KLHDC8B: variants seen among roughly 807,000 people sequenced by gnomAD.
KLHDC8B encodes the protein kelch domain containing 8B.
Under a neutral mutation model 26.3 loss-of-function variants are expected in KLHDC8B, and 19 were observed. The observed-to-expected ratio is 0.72, with a 90% CI of 0.50 to 1.06. The LOEUF (loss-of-function observed/expected upper bound fraction) is 1.06. KLHDC8B is among the 50% of genes least tolerant of loss of function. The pLI is 0.00. For synonymous variants in KLHDC8B, 150 were observed against 188.4 expected, an observed-to-expected ratio of 0.80 and a Z score of 1.67; for missense variants, 411 against 488.1, an observed-to-expected ratio of 0.84 and a Z score of 1.49.
rs1559425340 is a variant in KLHDC8B at position 49,174,769 on chromosome 3, C to A, written c.569C>A (p.Thr190Asn). The stretch of plus-strand genomic sequence containing the variant: ...GGCCGCCAGGGCAAGCTCCCGGTGA[C>A]TGCTTTTGAAGCCTTTGATCTGGAG... ...LGGRQGKLPV[T>N]AFEAFDLEAR... is the part of the protein sequence containing the mutation. Residue 190 changes from threonine to asparagine, a missense_variant, in exon 4 of 6, where the codon ACT becomes AAT. Physicochemically the swap from Thr to Asn is moderately conservative, Grantham distance 65 (BLOSUM62 0). Coordinates refer to ENST00000332780, the MANE Select transcript of KLHDC8B (RefSeq NM_173546.3). 6.2e-7 allele frequency: 1 copy of A among 1,610,752 alleles called. No homozygotes were observed. Among genetic ancestry groups the A allele is most frequent in the Admixed American group, 1.7e-5 (1 of 59,904 alleles).
chr3:49,173,080 AG>A lies in KLHDC8B; in HGVS notation c.314del (p.Gly105AlafsTer85). 1 of 1,597,726 alleles carries A rather than the reference AG, an allele frequency of 6.3e-7. No homozygotes were observed. Among genetic ancestry groups the A allele is most frequent in the Non-Finnish European group, 8.5e-7 (1 of 1,172,414 alleles). ...GCTGTAGAGGCCTTCCTGATGGATGAGGGCCGCTGGGAGCGTCGGGCCACCC... is the reference window on the plus strand; with the variant it reads ...GCTGTAGAGGCCTTCCTGATGGATGAGGCCGCTGGGAGCGTCGGGCCACCC... ...VAAVEAFLMD[E>X]GRWERRATLP... On this transcript the variant is annotated frameshift_variant, in exon 2 of 6. Coordinates refer to ENST00000332780, the MANE Select transcript of KLHDC8B (RefSeq NM_173546.3). LOFTEE classifies it high-confidence loss of function.
chr3:49,175,878 G>T lies in KLHDC8B; in HGVS notation c.*77G>T. On this transcript the variant is annotated 3_prime_UTR_variant, in exon 6 of 6. Transcript: ENST00000332780. The stretch of plus-strand genomic sequence containing the variant: ...TTCTATGGCTCCTTTTGCTGCTGAG[G>T]ACACTCACTGTGGCTCTGTGGGATG... The T allele has an allele frequency of 7.1e-7, 1 of 1,415,520 alleles. No homozygotes were observed. Among genetic ancestry groups the T allele is most frequent in the Non-Finnish European group, 9.9e-7 (1 of 1,010,388 alleles). 87.7% of individuals were successfully genotyped at this position (1,415,520 alleles called of 1,614,324 possible).
Position 49,174,732 on chromosome 3 carries a change from C to A in KLHDC8B, c.542-10C>A. 6.3e-7 allele frequency: 1 copy of A among 1,595,486 alleles called. No homozygotes were observed. Among genetic ancestry groups the A allele is most frequent in the Non-Finnish European group, 8.6e-7 (1 of 1,169,012 alleles). On this transcript the variant is annotated splice_polypyrimidine_tract_variant and intron_variant, in intron 3 of 5. Coordinates refer to ENST00000332780, the MANE Select transcript of KLHDC8B (RefSeq NM_173546.3). The stretch of plus-strand genomic sequence containing the variant: ...GGGCTCCTTCCCAGGTACCCCAATT[C>A]CATTGACAGGGGGCCGCCAGGGCAA...
intron 2 of KLHDC8B, among the ~76,000 whole-genome samples, chr3:49,173,863 T>C (rs2045793059): frequency 6.6e-6 from 1 of 152,066 alleles, no homozygotes; most frequent in African/African-American, 2.4e-5. Flanking sequence ...CCCATGTTTC[T>C]TACCCCTGGC....
At position 49,174,278 on chromosome 3, in the gene KLHDC8B, C is replaced by CGGCCCCCCA; in HGVS notation, c.422_430dup (p.Pro141_Ala143dup). ...GCTCTGGGGGGAATGGGCCCTGACA[C>CGGCCCCCCA]GGCCCCCCAGGCCCAGGTACGTGTG... On this transcript the variant is annotated inframe_insertion, in exon 3 of 6. Coordinates refer to ENST00000332780, the MANE Select transcript of KLHDC8B (RefSeq NM_173546.3). 1 of 1,613,438 alleles carries CGGCCCCCCA rather than the reference C, an allele frequency of 6.2e-7. No individual in the cohort carries two copies. Among genetic ancestry groups the CGGCCCCCCA allele is most frequent in the Non-Finnish European group, 8.5e-7 (1 of 1,179,538 alleles).
Position 49,172,554 on chromosome 3 carries a change from C to T in KLHDC8B, c.-134-82C>T, listed in dbSNP as rs13098087. 7.7e-3 allele frequency: 4,507 copies of T among 588,942 alleles called. 29 individuals carry two copies. Among genetic ancestry groups the T allele is most frequent in the Non-Finnish European group, 9.0e-3 (2,976 of 332,392 alleles). The allele number at this position is 588,942 out of a possible 1,614,324, so 36.5% of individuals were successfully genotyped here. A position where few individuals can be genotyped will look rare whatever the true frequency, so the allele number is the denominator to read the frequency against. Reference sequence around the variant, plus strand: ...TTCCCACCAGTGATTTTGGGCCAGCCCTGCCCTTAGCTACAGGCTGCTTAT... The same window carrying T: ...TTCCCACCAGTGATTTTGGGCCAGCTCTGCCCTTAGCTACAGGCTGCTTAT... On this transcript the variant is annotated intron_variant, in intron 1 of 5. Transcript: ENST00000332780.
In KLHDC8B at chr3:49,172,654, G is replaced by A; in HGVS notation, c.-116G>A. On this transcript the variant is annotated 5_prime_UTR_variant, in exon 2 of 6. Coordinates refer to ENST00000332780, the MANE Select transcript of KLHDC8B (RefSeq NM_173546.3). ...CCTCCAGGTGAAGGCAAGGTCCCTG[G>A]ACTGGTCATATACCTCTTGTGGCCC... 9.5e-7 allele frequency: 1 copy of A among 1,049,878 alleles called. No homozygotes were observed. Among genetic ancestry groups the A allele is most frequent in the Non-Finnish European group, 1.4e-6 (1 of 726,906 alleles). The allele number at this position is 1,049,878 out of a possible 1,614,324, so 65.0% of individuals were successfully genotyped here.
Position 49,172,787 on chromosome 3 carries a change from C to T in KLHDC8B, c.18C>T (p.Gly6=). ...TGAACACCATGTCTGCAGGAGGTGG[C>T]CGGGCCTTTGCTTGGCAAGTGTTCC... MSAGG[G]RAFAWQVFPP... is the part of the protein sequence containing the mutation. The change falls in exon 2 of 6, where the codon GGC becomes GGT. Residue 6 remains glycine (G), a synonymous_variant. Transcript: ENST00000332780. The T allele has an allele frequency of 1.2e-6, 2 of 1,612,986 alleles. No individual in the cohort carries two copies. Among genetic ancestry groups the T allele is most frequent in the Non-Finnish European group, 1.7e-6 (2 of 1,179,458 alleles).
chr3:49,175,293 T>G (rs2045816222), intron 5 of KLHDC8B, 130 bp downstream of exon 5: 3 of 724,810 alleles, frequency 4.1e-6, no homozygotes. Flanking sequence ...CTTTTCCCTA[T>G]CTATGAAGTA....
chr3:49,174,552 C>A, intron 3 of KLHDC8B, 149 bp downstream of exon 3: 1 of 1,177,604 alleles, frequency 8.5e-7, no homozygotes, highest in Non-Finnish European at 1.2e-6. Flanking sequence ...GAGGCTCTGA[C>A]CCCTGGTGGT....
At chr3:49,174,548 C>T in intron 3 of KLHDC8B, 145 bp downstream of exon 3, 2 of 1,180,056 alleles carry the variant, frequency 1.7e-6, no homozygotes, top group Non-Finnish European at 2.4e-6. Context: ...CTCTGAGGCT[C>T]TGACCCCTGG....
chr3:49,174,999 C>T, intron 4 of KLHDC8B, 33 bp downstream of exon 4: 1 of 1,613,996 alleles, frequency 6.2e-7, no homozygotes, highest in South Asian at 1.1e-5. Context: ...TGTCCTCCCG[C>T]TCTCTGTGGG....
At chr3:49,173,174 A>C (rs1333054886) in intron 2 of KLHDC8B, 29 bp downstream of exon 2, 2 of 1,541,050 alleles carry the variant, frequency 1.3e-6, no homozygotes, top group Admixed American at 3.9e-5. Flanking sequence ...AAGGCACTTC[A>C]GGTACCCTAA....
chr3:49,175,025 G>C, intron 4 of KLHDC8B, 37 bp from the exon 5 acceptor site: 1 of 1,614,010 alleles, frequency 6.2e-7, no homozygotes, highest in Non-Finnish European at 8.5e-7. Context: ...GGGGCATAGT[G>C]TGTACATGAC....
At chr3:49,171,770 A>T (rs1378612674) in intron 1 of KLHDC8B, 85 bp downstream of exon 1, 3 of 152,378 alleles carry the variant, frequency 2.0e-5, no homozygotes, top group African/African-American at 7.2e-5. Flanking sequence ...CCCGCCCCCC[A>T]CATCCTTGAG....
Position 49,174,222 on chromosome 3 carries a change from T to TA in KLHDC8B, c.377-16dup, listed in dbSNP as rs780007373. On this transcript the variant is annotated splice_polypyrimidine_tract_variant and intron_variant, in intron 2 of 5. Coordinates refer to ENST00000332780, the MANE Select transcript of KLHDC8B (RefSeq NM_173546.3). ...TGGCAGGCTGAGGTACAATCTGAACTACTCTTTTCTATGCAGATGGTATGG... is the reference window on the plus strand; with the variant it reads ...TGGCAGGCTGAGGTACAATCTGAACTAACTCTTTTCTATGCAGATGGTATGG... 258 of 1,590,156 alleles carry TA rather than the reference T, an allele frequency of 1.6e-4. No individual in the cohort carries two copies. The highest frequency in any genetic ancestry group is 2.2e-4 in the Non-Finnish European group (253 of 1,162,522).
Position 49,175,649 on chromosome 3 carries a change from G to A in KLHDC8B, c.913G>A (p.Ala305Thr), listed in dbSNP as rs777729580. 5.0e-6 allele frequency: 8 copies of A among 1,602,618 alleles called. No homozygotes were observed. Among genetic ancestry groups the A allele is most frequent in the Admixed American group, 1.7e-5 (1 of 59,042 alleles). Residue 305 changes from alanine (A) to threonine (T), a missense_variant, in exon 6 of 6, where the codon GCA becomes ACA. Physicochemically the swap from Ala to Thr is moderately conservative, Grantham distance 58. Transcript: ENST00000332780. ...PLGSVESFSLARRRWEALPAM... is the reference protein window; with the variant it reads ...PLGSVESFSLTRRRWEALPAM... ...GGGCTCTGTGGAGAGCTTTAGCCTT[G>A]CACGGCGGCGCTGGGAGGCATTGCC... is the stretch of plus-strand genomic sequence containing the variant.
rs2045803626 is a variant in KLHDC8B, at chr3:49,174,588, C to T, written c.542-154C>T. ...CTTGCTGTGGTTGGAAAACCAAACC[C>T]CAGTACCTGAGGGACTGTAGGGTGG... is the stretch of plus-strand genomic sequence containing the variant. On this transcript the variant is annotated intron_variant, in intron 3 of 5. Coordinates refer to ENST00000332780, the MANE Select transcript of KLHDC8B (RefSeq NM_173546.3). 4 of 772,864 alleles carry T rather than the reference C, an allele frequency of 5.2e-6. No homozygotes were observed. In the South Asian group the frequency reaches 2.3e-4, roughly 45 times the overall value. The allele number at this position is 772,864 out of a possible 1,614,324, so 47.9% of individuals were successfully genotyped here.
At position 49,173,023 on chromosome 3, in the gene KLHDC8B, G is replaced by A; in HGVS notation, c.254G>A (p.Gly85Asp). The change falls in exon 2 of 6, where the codon GGT becomes GAT. Residue 85 changes from glycine to aspartate, a missense_variant. Gly to Asp is a moderately conservative substitution (Grantham distance 94, BLOSUM62 -1). Transcript: ENST00000332780. Reference protein sequence around the residue: ...VVLGKQVLVVGGVDEVQSPVA... With the variant: ...VVLGKQVLVVDGVDEVQSPVA... The stretch of plus-strand genomic sequence containing the variant: ...CTGGGCAAGCAGGTGCTAGTGGTGG[G>A]TGGTGTGGATGAGGTCCAGAGCCCG... 1 of 1,613,446 alleles carries A rather than the reference G, an allele frequency of 6.2e-7. No homozygotes were observed. Among genetic ancestry groups the A allele is most frequent in the Non-Finnish European group, 8.5e-7 (1 of 1,179,820 alleles).
Sources: allele counts gnomAD v4.1 joint callset (sites outside exome capture counted in the v4.1 genomes callset), GRCh38; gene constraint gnomAD v4.1.1; transcripts MANE v1.5; gene names NCBI Gene and HGNC (gene_info 2026-07-23, HGNC 2026-07-21).